The following PCDHGA4 variants were observed in gnomAD, a reference collection of about 807,000 sequenced individuals.
PCDHGA4 encodes the protein protocadherin gamma-A4.
PCDHGA4 carries 38 observed loss-of-function variants against 54.6 expected under a neutral mutation model. The observed-to-expected ratio is 0.70, with a 90% CI of 0.54 to 0.91. The LOEUF (loss-of-function observed/expected upper bound fraction) is 0.91. PCDHGA4 is among the 40% of genes least tolerant of loss of function. The pLI, the probability that PCDHGA4 is intolerant of heterozygous loss-of-function variation, is 0.00. For synonymous variants in PCDHGA4, 511 were observed against 512.9 expected (o/e 1.00, Z 0.05); for missense variants, 1,298 against 1,220.9 (o/e 1.06, Z -0.94).
At position 141,403,020 on chromosome 5, in the gene PCDHGA4, T is replaced by A. The variant is rs761279674; in HGVS notation, c.2514+45399T>A. ...CTGCTATGCTCGCTCCTGGGGATGCTATGGGAGGCCAGGGCCAGTCAGATT... is the reference window on the plus strand; with the variant it reads ...CTGCTATGCTCGCTCCTGGGGATGCAATGGGAGGCCAGGGCCAGTCAGATT... On this transcript the variant is annotated intron_variant, in intron 1 of 3. Transcript: ENST00000571252. The A allele has an allele frequency of 8.1e-6, 13 of 1,614,034 alleles. 1 individual carries two copies. The South Asian group carries it at 1.4e-4, about 18-fold the overall frequency.
At position 141,356,289 on chromosome 5, in the gene PCDHGA4, T is replaced by G. The variant is rs1298139288; in HGVS notation, c.1182T>G (p.Gly394=). 1 of 1,555,532 alleles carries G rather than the reference T, an allele frequency of 6.4e-7. No individual in the cohort carries two copies. Among genetic ancestry groups the G allele is most frequent in the Admixed American group, 2.0e-5 (1 of 51,230 alleles). The change falls in exon 1 of 4, where the codon GGT becomes GGG. Residue 394 remains glycine, a synonymous_variant. Coordinates refer to ENST00000571252, the MANE Select transcript of PCDHGA4 (RefSeq NM_018917.4). ...CAGTCCAGGAATCTTCTTCCCCGGG[T>G]ACAGTAATTGCACTTTTCAACGTGC... ...TSSVQESSSP[G]TVIALFNVHD...
intron 1 of PCDHGA4, chr5:141,399,517 G>A: frequency 1.9e-6 from 3 of 1,613,998 alleles, no homozygotes; most frequent in Non-Finnish European, 2.5e-6. Flanking sequence ...CAACCCTCCT[G>A]GGGCCTCCAT....
intron 1 of PCDHGA4, chr5:141,362,618 A>G: frequency 6.5e-7 from 1 of 1,536,872 alleles, no homozygotes; most frequent in Non-Finnish European, 8.8e-7. Flanking sequence ...TTGGGTAGGA[A>G]GTTCCACTGC....
At position 141,432,783 on chromosome 5, in the gene PCDHGA4, T is replaced by G; in HGVS notation, c.2515-62024T>G. The G allele has an allele frequency of 6.2e-7, 1 of 1,614,118 alleles. No individual in the cohort carries two copies. On this transcript the variant is annotated intron_variant, in intron 1 of 3. Transcript: ENST00000571252. The surrounding 1 kb of genome is among the most constrained non-coding windows in gnomAD (Gnocchi z 6.0). ...AGCATCCCCCAAGTCCTGGCGGACC[T>G]CGGCAGCCTCGAGTCTCCAGCTAAC...
intron 1 of PCDHGA4, chr5:141,409,412 C>T (rs1261631725): frequency 1.2e-6 from 2 of 1,614,032 alleles, no homozygotes; most frequent in Non-Finnish European, 1.7e-6. Flanking sequence ...CTACTACAAA[C>T]TGGTGACAGA....
At chr5:141,392,945 C>T (rs1561639150) in intron 1 of PCDHGA4, 1 of 1,613,916 alleles carries the variant, frequency 6.2e-7, no homozygotes. Flanking sequence ...AAGGCTCCTT[C>T]GTGGGTAATA....
intron 1 of PCDHGA4, chr5:141,377,698 A>G (rs1274163537): frequency 6.6e-6 from 1 of 152,230 alleles, no homozygotes; most frequent in Non-Finnish European, 1.5e-5. Context: ...TTTACTACTT[A>G]GGAATCAAAA....
chr5:141,430,413 A>G lies in PCDHGA4; in HGVS notation c.2515-64394A>G, dbSNP rs1437560579. ...AAAAAAAAAGCTCACTAAAGTTTCTATTAAAGCGAATACGGTAGATTTCCA... is the reference window on the plus strand; with the variant it reads ...AAAAAAAAAGCTCACTAAAGTTTCTGTTAAAGCGAATACGGTAGATTTCCA... On this transcript the variant is annotated intron_variant, in intron 1 of 3. Coordinates refer to ENST00000571252, the MANE Select transcript of PCDHGA4 (RefSeq NM_018917.4). Among the ~76,000 whole-genome samples the G allele has an allele frequency of 2.0e-5, 3 of 151,870 alleles. No homozygotes were observed. In the South Asian group the frequency reaches 6.2e-4, roughly 31 times the overall value.
chr5:141,371,587 C>T, intron 1 of PCDHGA4: 2 of 1,613,898 alleles, frequency 1.2e-6, no homozygotes, highest in Non-Finnish European at 1.7e-6. Flanking sequence ...GTTCAAGATA[C>T]CAAAAACACA....
chr5:141,368,908 A>G (rs1325459876), intron 1 of PCDHGA4, among the ~76,000 whole-genome samples: 7 of 152,216 alleles, frequency 4.6e-5, no homozygotes, highest in Admixed American at 3.9e-4. Flanking sequence ...GTTTGTATAA[A>G]GGTGACAATG....
chr5:141,490,956 A>T lies in PCDHGA4; in HGVS notation c.2515-3851A>T. 1.2e-6 allele frequency: 2 copies of T among 1,613,828 alleles called. No homozygotes were observed. The highest frequency in any genetic ancestry group is 1.7e-6 in the Non-Finnish European group (2 of 1,179,852). ...TGCTGCACCCACGGCCAGACTGGGA[A>T]CACTCAGCCCCCCAGCGTCTCCCTC... On this transcript the variant is annotated intron_variant, in intron 1 of 3. Transcript: ENST00000571252. The surrounding 1 kb of genome is among the most constrained non-coding windows in gnomAD (Gnocchi z 5.4).
In PCDHGA4 at chr5:141,383,778, T is replaced by C. The variant is rs764919264; in HGVS notation, c.2514+26157T>C. 5 of 1,613,886 alleles carry C rather than the reference T, an allele frequency of 3.1e-6. No individual in the cohort carries two copies. In the African/African-American group the frequency reaches 6.7e-5, roughly 22 times the overall value. ...CTCCTAAACTTCCAAAGATGTTTCA[T>C]CTGAACTCGCTTACAGGAGAAATAT... On this transcript the variant is annotated intron_variant, in intron 1 of 3. Coordinates refer to ENST00000571252, the MANE Select transcript of PCDHGA4 (RefSeq NM_018917.4).
chr5:141,383,832 A>G, intron 1 of PCDHGA4: 1 of 1,613,926 alleles, frequency 6.2e-7, no homozygotes, highest in Non-Finnish European at 8.5e-7. Flanking sequence ...ATTATGAAGA[A>G]ACTGCCTTCT....
chr5:141,400,611 G>T (rs555600694), intron 1 of PCDHGA4: 1 of 1,573,002 alleles, frequency 6.4e-7, no homozygotes, highest in South Asian at 1.1e-5. Context: ...CAAGTCCAAT[G>T]AGTTGTCTTA....
chr5:141,366,202 C>T lies in PCDHGA4; in HGVS notation c.2514+8581C>T, dbSNP rs548407771. On this transcript the variant is annotated intron_variant, in intron 1 of 3. Transcript: ENST00000571252. ...TCTTTGCGGTTGGGCTGCACACGGGCGAGGTGCGCACAGCGCGAGCCCTGC... is the reference window on the plus strand; with the variant it reads ...TCTTTGCGGTTGGGCTGCACACGGGTGAGGTGCGCACAGCGCGAGCCCTGC... 2.8e-5 allele frequency: 45 copies of T among 1,613,844 alleles called. No individual in the cohort carries two copies. In the South Asian group the frequency reaches 4.8e-4, roughly 17 times the overall value.
chr5:141,361,443 A>G, intron 1 of PCDHGA4: 1 of 1,613,982 alleles, frequency 6.2e-7, no homozygotes, highest in Non-Finnish European at 8.5e-7. Context: ...CCTCCAGCAT[A>G]ATTGTCACCC....
At chr5:141,426,022 T>A (rs1174153557) in intron 1 of PCDHGA4, among the ~76,000 whole-genome samples, 3 of 152,204 alleles carry the variant, frequency 2.0e-5, no homozygotes, top group Admixed American at 2.0e-4. Flanking sequence ...GTTTTCTAAA[T>A]AGACTCAGAG....
Position 141,456,465 on chromosome 5 carries a change from C to T in PCDHGA4, c.2515-38342C>T, listed in dbSNP as rs553441797. ...ACAGAGTCCAAATATCAATACAAGA[C>T]ATATAAGCAAGAGAGTGCTTAATAA... On this transcript the variant is annotated intron_variant, in intron 1 of 3. Coordinates refer to ENST00000571252, the MANE Select transcript of PCDHGA4 (RefSeq NM_018917.4). 2.6e-5 allele frequency among the ~76,000 whole-genome samples: 4 copies of T among 152,212 alleles called. No homozygotes were observed. In the East Asian group the frequency reaches 7.7e-4, roughly 29 times the overall value.
intron 1 of PCDHGA4, chr5:141,411,396 C>G (rs985023346): frequency 2.1e-5 from 3 of 145,420 alleles, no homozygotes; most frequent in African/African-American, 5.1e-5. Context: ...ATAGGGAGAC[C>G]CCCCATCTCT....
Sources: allele counts gnomAD v4.1 joint callset (sites outside exome capture counted in the v4.1 genomes callset), GRCh38; gene constraint gnomAD v4.1.1; non-coding constraint Gnocchi (gnomAD v3.1); transcripts MANE v1.5; gene names NCBI Gene and HGNC (gene_info 2026-07-23, HGNC 2026-07-21).